CNGB1: variants seen among roughly 807,000 people sequenced by gnomAD.
The protein encoded by CNGB1 is cyclic nucleotide gated channel subunit beta 1.
Under a neutral mutation model 151.7 loss-of-function variants are expected in CNGB1, and 126 were observed. That is an observed-to-expected ratio of 0.83 (90% CI 0.72 to 0.96). The LOEUF (loss-of-function observed/expected upper bound fraction) is 0.96, where lower values mean the gene tolerates loss of function less well. Ranked by LOEUF, CNGB1 falls within the 40% of genes least tolerant of loss-of-function variation. CNGB1 has a pLI of 0.00. For missense variants in CNGB1, 1,698 were observed against 1,627.0 expected (o/e 1.04, Z -0.75); for synonymous variants, 623 against 635.1 (o/e 0.98, Z 0.29).
At chr16:57,968,865 TAAAA>T (rs749886638) in intron 1 of CNGB1, among the ~76,000 whole-genome samples, 3 of 122,884 alleles carry the variant, frequency 2.4e-5, no homozygotes, top group South Asian at 2.7e-4. Context: ...TGTCTCTATT[TAAAA>T]AAAAAAAAAA....
At chr16:57,962,123 C>T (rs1213331184) in intron 7 of CNGB1, among the ~76,000 whole-genome samples, 2 of 152,274 alleles carry the variant, frequency 1.3e-5, no homozygotes, top group Admixed American at 1.3e-4. Context: ...CGCCACAGTC[C>T]CCCTGCCAGT....
At chr16:57,889,147 A>C (rs745953215) in intron 31 of CNGB1, among the ~76,000 whole-genome samples, 7 of 152,034 alleles carry the variant, frequency 4.6e-5, no homozygotes, top group Non-Finnish European at 8.8e-5. Flanking sequence ...TCCCTTGCTG[A>C]CTTTATTTAT....
chr16:57,897,512 T>A lies in CNGB1; in HGVS notation c.3127A>T (p.Thr1043Ser), dbSNP rs1202767964. Reference protein sequence around the residue: ...LLAVGGGNRRTANVVAHGFTN... With the variant: ...LLAVGGGNRRSANVVAHGFTN... ...AACCCGTGCGCCACCACGTTGGCCG[T>A]GCGCCGGTTCCCGCCCCCAACAGCC... is the stretch of plus-strand genomic sequence containing the variant. Residue 1043 changes from threonine to serine, a missense_variant, in exon 31 of 33, where the codon ACG (threonine) becomes TCG (serine). By Grantham distance (58) the Thr-to-Ser change is moderately conservative. Coordinates refer to ENST00000251102, the MANE Select transcript of CNGB1 (RefSeq NM_001297.5). The A allele has an allele frequency of 6.2e-7, 1 of 1,614,130 alleles. No homozygotes were observed. The highest frequency in any genetic ancestry group is 8.5e-7 in the Non-Finnish European group (1 of 1,180,024).
intron 31 of CNGB1, among the ~76,000 whole-genome samples, chr16:57,891,573 T>A (rs1960090936): frequency 6.6e-6 from 1 of 152,166 alleles, no homozygotes; most frequent in African/African-American, 2.4e-5. Flanking sequence ...TATTATTATT[T>A]TGAGACAGAG....
rs967419545 is a variant in CNGB1, at chr16:57,956,007, T to G, written c.874+1334A>C. 1.3e-5 allele frequency among the ~76,000 whole-genome samples: 2 copies of G among 152,156 alleles called. 1 individual carries two copies. The highest frequency in any genetic ancestry group is 4.8e-5 in the African/African-American group (2 of 41,438). ...AAGCCAGCTCCTCTCCCTGTCCCCATGAGCCTGCCCCCATGGCCACCCAGC... is the reference window on the plus strand; with the variant it reads ...AAGCCAGCTCCTCTCCCTGTCCCCAGGAGCCTGCCCCCATGGCCACCCAGC... On this transcript the variant is annotated intron_variant, in intron 12 of 32. Coordinates refer to ENST00000251102, the MANE Select transcript of CNGB1 (RefSeq NM_001297.5).
At chr16:57,924,998 G>C (rs568765273) in intron 17 of CNGB1, among the ~76,000 whole-genome samples, 4 of 152,124 alleles carry the variant, frequency 2.6e-5, no homozygotes, top group African/African-American at 9.6e-5. Context: ...TTATTTTTTA[G>C]TATTTTATTT....
chr16:57,923,228 CT>C, intron 18 of CNGB1, 44 bp downstream of exon 18: 2 of 1,362,054 alleles, frequency 1.5e-6, no homozygotes. Flanking sequence ...ATCCCCCACC[CT>C]CCCCGCAGTC....
chr16:57,940,361 G>GTT, intron 14 of CNGB1, 40 bp from the exon 15 acceptor site: 1 of 1,546,212 alleles, frequency 6.5e-7, no homozygotes, highest in Non-Finnish European at 8.8e-7. Flanking sequence ...AAAGGACTGG[G>GTT]TTAGGGTGTT....
rs1286257605 is a variant in CNGB1 at position 57,940,313 on chromosome 16, A to G, written c.1130T>C (p.Leu377Pro). 2 of 1,581,438 alleles carry G rather than the reference A, an allele frequency of 1.3e-6. No homozygotes were observed. The highest frequency in any genetic ancestry group is 4.6e-5 in the East Asian group (2 of 43,640). ...EEEEEVTEVL[L>P]DSCVVSQVGV... Reference sequence around the variant, plus strand: ...CACCTGCGACACCACACAGCTATCCAGCAGCACCCTGTGACCCGGGGCGGG... The same window carrying G: ...CACCTGCGACACCACACAGCTATCCGGCAGCACCCTGTGACCCGGGGCGGG... Residue 377 changes from leucine (L) to proline (P), a missense_variant, in exon 15 of 33, where the codon CTG becomes CCG. Physicochemically the swap from Leu to Pro is moderately conservative, Grantham distance 98. Coordinates refer to ENST00000251102, the MANE Select transcript of CNGB1 (RefSeq NM_001297.5).
At chr16:57,916,254 T>C in intron 21 of CNGB1, 75 bp from the exon 22 acceptor site, 1 of 1,423,014 alleles carries the variant, frequency 7.0e-7, no homozygotes, top group Non-Finnish European at 9.9e-7. Flanking sequence ...ATTGTGAAAC[T>C]TCCCCAAGAA....
At position 57,931,821 on chromosome 16, in the gene CNGB1, C is replaced by A. The variant is rs1174372046; in HGVS notation, c.1430G>T (p.Cys477Phe). The change falls in exon 17 of 33, where the codon TGC becomes TTC. Residue 477 changes from cysteine to phenylalanine, a missense_variant. Physicochemically the swap from Cys to Phe is radical, Grantham distance 205. Coordinates refer to ENST00000251102, the MANE Select transcript of CNGB1 (RefSeq NM_001297.5). ...VQVEDTDADS[C>F]PLMAEENPPS... The stretch of plus-strand genomic sequence containing the variant: ...TGGATTCTCTTCTGCCATGAGGGGG[C>A]AGCTATCAGCATCAGTATCTTCCAC... The A allele has an allele frequency of 6.2e-7, 1 of 1,614,144 alleles. No individual in the cohort carries two copies. The highest frequency in any genetic ancestry group is 8.5e-7 in the Non-Finnish European group (1 of 1,180,016).
chr16:57,888,837 G>A (rs891516679), intron 31 of CNGB1, among the ~76,000 whole-genome samples: 2 of 152,102 alleles, frequency 1.3e-5, no homozygotes, highest in African/African-American at 4.8e-5. Flanking sequence ...TGCCCAGGTG[G>A]AAAAGGAACC....
chr16:57,912,009 G>A (rs1960730265), intron 24 of CNGB1, 134 bp from the exon 25 acceptor site: 2 of 1,223,302 alleles, frequency 1.6e-6, no homozygotes, highest in African/African-American at 3.0e-5. Flanking sequence ...CAGTTAGGAA[G>A]GGTGGTGCTT....
rs775022391 is a variant in CNGB1 at position 57,897,379 on chromosome 16, GA to G, written c.3242+17del. On this transcript the variant is annotated intron_variant, in intron 31 of 32. Coordinates refer to ENST00000251102, the MANE Select transcript of CNGB1 (RefSeq NM_001297.5). ...TGTCCTTAGCAATTTTTTATTAAAC[GA>G]AAGAAAAGTTACATACCTGGCTTTC... The G allele has an allele frequency of 1.1e-5, 18 of 1,612,102 alleles. 1 individual carries two copies. The South Asian group carries it at 1.8e-4, about 16-fold the overall frequency.
intron 14 of CNGB1, among the ~76,000 whole-genome samples, chr16:57,948,621 G>C (rs1274865277): frequency 6.6e-6 from 1 of 151,774 alleles, no homozygotes; most frequent in Non-Finnish European, 1.5e-5. Context: ...GCATCTCCTC[G>C]AGCCCCACAG....
intron 2 of CNGB1, among the ~76,000 whole-genome samples, chr16:57,966,235 C>T (rs912567237): frequency 6.6e-6 from 1 of 152,218 alleles, no homozygotes; most frequent in Non-Finnish European, 1.5e-5. Context: ...TGTTGAGACT[C>T]ACCACGTTCC....
At chr16:57,936,008 C>T (rs1437447252) in intron 16 of CNGB1, among the ~76,000 whole-genome samples, 1 of 152,106 alleles carries the variant, frequency 6.6e-6, no homozygotes, top group African/African-American at 2.4e-5. Flanking sequence ...AGCTCTGCAC[C>T]GTGTCAACCA....
chr16:57,902,627 CAG>C (rs1273943220), intron 27 of CNGB1, among the ~76,000 whole-genome samples: 2 of 150,762 alleles, frequency 1.3e-5, no homozygotes, highest in African/African-American at 4.9e-5. Context: ...TTTTCTGAGA[CAG>C]GGTCTTGTTC....
intron 14 of CNGB1, among the ~76,000 whole-genome samples, chr16:57,947,363 CCCACACAGAAGCACA>C (rs1447524477): frequency 6.6e-6 from 1 of 152,006 alleles, no homozygotes; most frequent in Non-Finnish European, 1.5e-5. Flanking sequence ...AGCTATACAC[CCCACACAGAAGCACA>C]GCTCCATAGA....
Sources: gnomAD v4.1 joint callset for allele counts (sites outside exome capture counted in the v4.1 genomes callset) on GRCh38, gnomAD v4.1.1 for gene constraint, MANE v1.5 for transcripts, NCBI Gene and HGNC (gene_info 2026-07-23, HGNC 2026-07-21) for gene names.